Variants in ADAMTSL1 observed in about 807,000 individuals in gnomAD.
The protein encoded by ADAMTSL1 is ADAMTS like 1, also known as ADAMTS-like protein 1.
ADAMTSL1 carries 126 observed loss-of-function variants against 201.8 expected under a neutral mutation model. That is an observed-to-expected ratio of 0.62 (90% CI 0.54 to 0.72). The LOEUF is 0.72. Among genes scored for constraint, ADAMTSL1 ranks in the 30% least tolerant of loss-of-function variants. The pLI, the probability that ADAMTSL1 is intolerant of heterozygous loss-of-function variation, is 0.00. For missense variants in ADAMTSL1, 2,679 were observed against 2,277.8 expected (o/e 1.18, Z -3.59); for synonymous variants, 1,121 against 903.4 (o/e 1.24, Z -4.32).
At chr9:18,424,052 T>C (rs1272320055) in intron 2 of ADAMTSL1, among the ~76,000 whole-genome samples, 1 of 152,252 alleles carries the variant, frequency 6.6e-6, no homozygotes, top group Non-Finnish European at 1.5e-5. Flanking sequence ...TATTCAAAGA[T>C]ATGCTAAATT....
At chr9:18,637,904 G>C (rs1827200424) in intron 6 of ADAMTSL1, among the ~76,000 whole-genome samples, 1 of 152,092 alleles carries the variant, frequency 6.6e-6, no homozygotes, top group South Asian at 2.1e-4. Context: ...CAGATGCTCA[G>C]ATCAGGCCTA....
chr9:18,238,339 C>T (rs1279323800), intron 2 of ADAMTSL1, among the ~76,000 whole-genome samples: 2 of 152,102 alleles, frequency 1.3e-5, no homozygotes, highest in African/African-American at 4.8e-5. Context: ...GAGTAAGTGA[C>T]TCATCTGTAA....
At chr9:18,343,034 G>GC (rs1835539048) in intron 2 of ADAMTSL1, among the ~76,000 whole-genome samples, 2 of 145,554 alleles carry the variant, frequency 1.4e-5, no homozygotes, top group African/African-American at 5.0e-5. Context: ...TTTTTGTTTT[G>GC]TTTTTTTTTT....
intron 23 of ADAMTSL1, among the ~76,000 whole-genome samples, chr9:18,852,078 A>G (rs1468861897): frequency 2.0e-5 from 3 of 152,150 alleles, no homozygotes; most frequent in African/African-American, 7.2e-5. Flanking sequence ...TGTCTGCCTA[A>G]CTACCTACTC....
At chr9:17,990,926 A>G (rs925255593) in intron 1 of ADAMTSL1, among the ~76,000 whole-genome samples, 1 of 152,170 alleles carries the variant, frequency 6.6e-6, no homozygotes, top group African/African-American at 2.4e-5. Flanking sequence ...CATGCCCTTT[A>G]TCTGTGGTTG....
intron 2 of ADAMTSL1, among the ~76,000 whole-genome samples, chr9:18,437,673 A>T (rs373507160): frequency 6.6e-6 from 1 of 152,070 alleles, no homozygotes; most frequent in Non-Finnish European, 1.5e-5. Context: ...ACAATACTAG[A>T]TCATATTATA....
chr9:17,923,195 G>A (rs1826377621), intron 1 of ADAMTSL1, among the ~76,000 whole-genome samples: 1 of 151,468 alleles, frequency 6.6e-6, no homozygotes, highest in South Asian at 2.1e-4. Context: ...TTGGTAGCTT[G>A]ATGGGGATGG....
At chr9:18,757,066 A>C (rs1223032499) in intron 16 of ADAMTSL1, among the ~76,000 whole-genome samples, 1 of 152,154 alleles carries the variant, frequency 6.6e-6, no homozygotes, top group African/African-American at 2.4e-5. Context: ...ACAGAAATCT[A>C]ATTCTAGCTT....
intron 4 of ADAMTSL1, among the ~76,000 whole-genome samples, chr9:18,587,173 A>G (rs1823556909): frequency 6.6e-6 from 1 of 152,198 alleles, no homozygotes; most frequent in African/African-American, 2.4e-5. Flanking sequence ...ACCCTACAGA[A>G]TGGGTGAAAA....
At chr9:18,873,283 T>C (rs1191864063) in intron 23 of ADAMTSL1, among the ~76,000 whole-genome samples, 1 of 152,154 alleles carries the variant, frequency 6.6e-6, no homozygotes, top group Non-Finnish European at 1.5e-5. Context: ...CCTTTGCTGT[T>C]GAGAAGCTTT....
chr9:18,485,019 G>T (rs906832511), intron 1 of ADAMTSL1, among the ~76,000 whole-genome samples: 1 of 152,154 alleles, frequency 6.6e-6, no homozygotes, highest in African/African-American at 2.4e-5. Context: ...GAGAGTACTT[G>T]CTTCAATGTA....
chr9:17,997,215 C>T (rs992871613), intron 1 of ADAMTSL1, among the ~76,000 whole-genome samples: 2 of 152,056 alleles, frequency 1.3e-5, no homozygotes, highest in Non-Finnish European at 2.9e-5. Context: ...GCCACATGGT[C>T]TAAAAACAGG....
In ADAMTSL1 at chr9:18,292,984, G is replaced by A. The variant is rs77062144; in HGVS notation, c.207+129003G>A. On this transcript the variant is annotated intron_variant, in intron 2 of 29. Coordinates refer to the ADAMTSL1 transcript ENST00000680146. ...TTGACTAATACAGGGGCTCAAATCC[G>A]GTCATGGTTGTTGAGGAATTGGAGG... 4.6e-3 allele frequency among the ~76,000 whole-genome samples: 703 copies of A among 152,244 alleles called. 10 individuals are homozygous for A. Among genetic ancestry groups the A allele is most frequent in the Middle Eastern group, 0.027 (8 of 294 alleles).
intron 2 of ADAMTSL1, among the ~76,000 whole-genome samples, chr9:18,210,315 A>G (rs1829814587): frequency 6.7e-6 from 1 of 150,146 alleles, no homozygotes; most frequent in Non-Finnish European, 1.5e-5. Flanking sequence ...AATTTTAATT[A>G]ATTCATTAAT....
intron 1 of ADAMTSL1, among the ~76,000 whole-genome samples, chr9:17,944,549 A>G (rs1827376979): frequency 6.7e-6 from 1 of 150,200 alleles, no homozygotes; most frequent in South Asian, 2.1e-4. Context: ...GCATCACACT[A>G]CCTGACTTCA....
intron 12 of ADAMTSL1, among the ~76,000 whole-genome samples, chr9:18,683,221 G>GTTTTT (rs756275672): frequency 1.2e-4 from 6 of 51,108 alleles, no homozygotes; most frequent in Non-Finnish European, 1.6e-4. Flanking sequence ...ATTTACTGAG[G>GTTTTT]TTTTTTTTGT....
At chr9:18,016,276 A>G (rs1820258170) in intron 1 of ADAMTSL1, among the ~76,000 whole-genome samples, 1 of 152,054 alleles carries the variant, frequency 6.6e-6, no homozygotes, top group Non-Finnish European at 1.5e-5. Context: ...AGCTGTCCTT[A>G]CAGTCTCTTA....
At chr9:18,160,066 C>T (rs752851091) in intron 1 of ADAMTSL1, among the ~76,000 whole-genome samples, 9 of 151,986 alleles carry the variant, frequency 5.9e-5, no homozygotes, top group Non-Finnish European at 8.8e-5. Context: ...AGAATTTGTT[C>T]TACAACAACA....
chr9:18,505,076 G>A (rs1246363990), intron 2 of ADAMTSL1, 120 bp downstream of exon 2: 2 of 1,254,146 alleles, frequency 1.6e-6, no homozygotes, highest in Non-Finnish European at 2.1e-6. Context: ...TAAAAGAAAA[G>A]AATTAAAGGA....
Sources: allele counts gnomAD v4.1 joint callset (sites outside exome capture counted in the v4.1 genomes callset), GRCh38; gene constraint gnomAD v4.1.1; transcripts MANE v1.5; gene names NCBI Gene and HGNC (gene_info 2026-07-23, HGNC 2026-07-21).